CTNNA3: variants seen among roughly 807,000 people sequenced by gnomAD.
CTNNA3 encodes catenin alpha-3.
CTNNA3 carries 76 observed loss-of-function variants against 95.7 expected under a neutral mutation model. That is an observed-to-expected ratio of 0.79 (90% CI 0.66 to 0.96). The LOEUF is 0.96. Ranked by LOEUF, CTNNA3 falls within the 40% of genes least tolerant of loss-of-function variation. CTNNA3 has a pLI of 0.00. For synonymous variants in CTNNA3, 431 were observed against 374.4 expected (o/e 1.15, Z -1.74); for missense variants, 1,191 against 1,089.8 (o/e 1.09, Z -1.31).
In CTNNA3 at chr10:66,019,448, C is replaced by A. The variant is rs937994109; in HGVS notation, c.2160-30651G>T. The stretch of plus-strand genomic sequence containing the variant: ...ATAGAAATGGGAATCAGATCCCCCC[C>A]AAAAGTGGGGGATCCCACTTCTCCT... On this transcript the variant is annotated intron_variant, in intron 15 of 17. Transcript: ENST00000433211. Among the ~76,000 whole-genome samples the A allele has an allele frequency of 2.0e-5, 3 of 151,860 alleles. No homozygotes were observed. In the South Asian group the frequency reaches 6.3e-4, roughly 32 times the overall value.
At chr10:66,579,664 C>G (rs2132191504) in intron 10 of CTNNA3, among the ~76,000 whole-genome samples, 1 of 151,754 alleles carries the variant, frequency 6.6e-6, no homozygotes, top group South Asian at 2.1e-4. Context: ...TAATGTAGGT[C>G]TGCTGGTGTC....
intron 5 of CTNNA3, among the ~76,000 whole-genome samples, chr10:67,296,280 G>A (rs1276758915): frequency 1.3e-5 from 2 of 152,024 alleles, no homozygotes; most frequent in Admixed American, 6.6e-5. Context: ...GAGCATTATC[G>A]CCTACCTAGC....
At chr10:66,892,914 T>G (rs1349210226) in intron 7 of CTNNA3, among the ~76,000 whole-genome samples, 3 of 152,140 alleles carry the variant, frequency 2.0e-5, no homozygotes, top group Admixed American at 6.5e-5. Context: ...GGTAACCATT[T>G]TGAATAAATC....
intron 7 of CTNNA3, among the ~76,000 whole-genome samples, chr10:67,178,725 A>G (rs1219007163): frequency 6.6e-6 from 1 of 151,732 alleles, no homozygotes. Flanking sequence ...TAACTTTACT[A>G]TATTTTATCT....
chr10:67,072,609 T>A (rs1856526485), intron 7 of CTNNA3, among the ~76,000 whole-genome samples: 1 of 152,170 alleles, frequency 6.6e-6, no homozygotes. Context: ...GCAGTTTTAG[T>A]GGAATGTAGT....
chr10:67,360,491 G>A (rs565379721), intron 5 of CTNNA3, among the ~76,000 whole-genome samples: 1 of 151,930 alleles, frequency 6.6e-6, no homozygotes, highest in Non-Finnish European at 1.5e-5. Context: ...AGCCATAGGG[G>A]CAAAGTAAAG....
At chr10:66,031,088 A>T (rs1283394737) in intron 15 of CTNNA3, among the ~76,000 whole-genome samples, 1 of 152,180 alleles carries the variant, frequency 6.6e-6, no homozygotes, top group African/African-American at 2.4e-5. Flanking sequence ...AGAAAAGGGA[A>T]CACTTGAATA....
At chr10:66,079,288 C>T (rs1471513260) in intron 14 of CTNNA3, 2 of 151,742 alleles carry the variant, frequency 1.3e-5, no homozygotes, top group Non-Finnish European at 2.9e-5. Flanking sequence ...CAGAAAAAGA[C>T]GTATTTAGAA....
chr10:66,606,463 C>T (rs969022669), intron 10 of CTNNA3, among the ~76,000 whole-genome samples: 2 of 152,140 alleles, frequency 1.3e-5, no homozygotes, highest in Non-Finnish European at 2.9e-5. Context: ...AGAGAGAATA[C>T]ATTCTTCTCA....
chr10:66,454,258 T>C (rs1031852888), intron 11 of CTNNA3, among the ~76,000 whole-genome samples: 1 of 152,198 alleles, frequency 6.6e-6, no homozygotes, highest in African/African-American at 2.4e-5. Context: ...ATGTGTATTA[T>C]TTTAAACAAC....
chr10:66,787,148 TC>T (rs1366010661), intron 7 of CTNNA3, among the ~76,000 whole-genome samples: 1 of 152,164 alleles, frequency 6.6e-6, no homozygotes, highest in Non-Finnish European at 1.5e-5. Context: ...TCCTAACTTT[TC>T]CACTTCCTAG....
intron 7 of CTNNA3, among the ~76,000 whole-genome samples, chr10:66,853,631 A>G (rs1318302897): frequency 1.3e-5 from 2 of 152,120 alleles, no homozygotes; most frequent in African/African-American, 2.4e-5. Context: ...GTAATCTCTA[A>G]TAAGTACGAA....
At chr10:66,086,968 C>T (rs1305220987) in intron 14 of CTNNA3, among the ~76,000 whole-genome samples, 1 of 152,178 alleles carries the variant, frequency 6.6e-6, no homozygotes, top group Admixed American at 6.6e-5. Context: ...AATCAAGTTA[C>T]AAGCATAGAT....
intron 13 of CTNNA3, among the ~76,000 whole-genome samples, chr10:66,130,607 A>G (rs912381023): frequency 6.6e-6 from 1 of 152,012 alleles, no homozygotes; most frequent in Non-Finnish European, 1.5e-5. Context: ...CACTTTAGGA[A>G]GCTAAGGCAG....
Position 66,939,999 on chromosome 10 carries a change from AT to A in CTNNA3, c.1048-164476del, listed in dbSNP as rs985554728. 2.1e-3 allele frequency among the ~76,000 whole-genome samples: 322 copies of A among 150,680 alleles called. 1 individual carries two copies. Among genetic ancestry groups the A allele is most frequent in the African/African-American group, 6.5e-3 (266 of 41,144 alleles). On this transcript the variant is annotated intron_variant, in intron 7 of 17. Coordinates refer to ENST00000433211, the MANE Select transcript of CTNNA3 (RefSeq NM_013266.4). The stretch of plus-strand genomic sequence containing the variant: ...TTAAGATAAACCCAGTGGTTACTTA[AT>A]TTTTTTTTTAATTCTTCTTTGTTTT...
chr10:66,837,151 C>T (rs1383376960), intron 7 of CTNNA3, among the ~76,000 whole-genome samples: 1 of 152,106 alleles, frequency 6.6e-6, no homozygotes, highest in East Asian at 1.9e-4. Context: ...ATTTACTTAT[C>T]AAGAGAGTCT....
In CTNNA3 at chr10:67,311,288, C is replaced by G. The variant is rs79234385; in HGVS notation, c.580-91418G>C. 5.3e-4 allele frequency among the ~76,000 whole-genome samples: 80 copies of G among 151,838 alleles called. 1 individual carries two copies. In the East Asian group the frequency reaches 0.015, roughly 28 times the overall value. ...GAGTGAGGGGTATTGGAAAAAGAAG[C>G]AAAAAAGTGAGACAGATAAAGGAAG... is the stretch of plus-strand genomic sequence containing the variant. On this transcript the variant is annotated intron_variant, in intron 5 of 17. Coordinates refer to ENST00000433211, the MANE Select transcript of CTNNA3 (RefSeq NM_013266.4).
At chr10:67,506,659 C>T (rs1839437296) in intron 5 of CTNNA3, among the ~76,000 whole-genome samples, 1 of 152,164 alleles carries the variant, frequency 6.6e-6, no homozygotes, top group Non-Finnish European at 1.5e-5. Flanking sequence ...GCTCCTAGCA[C>T]TACTATTAAC....
intron 7 of CTNNA3, among the ~76,000 whole-genome samples, chr10:67,089,643 T>C (rs987609455): frequency 6.6e-6 from 1 of 151,826 alleles, no homozygotes; most frequent in African/African-American, 2.4e-5. Flanking sequence ...GGCTACCTCA[T>C]TTGGCACACA....
Sources: gnomAD v4.1 joint callset for allele counts (sites outside exome capture counted in the v4.1 genomes callset) on GRCh38, gnomAD v4.1.1 for gene constraint, MANE v1.5 for transcripts, NCBI Gene and HGNC (gene_info 2026-07-23, HGNC 2026-07-21) for gene names.